The following CCDC25 variants were observed in gnomAD, a reference collection of about 807,000 sequenced individuals.
CCDC25 encodes coiled-coil domain-containing protein 25.
A neutral mutation model predicts 35.3 loss-of-function variants in CCDC25; 16 were observed. The ratio of observed to expected loss-of-function variants is 0.45; its 90% CI spans 0.31 to 0.69. CCDC25 has a LOEUF of 0.69. Ranked by LOEUF, CCDC25 falls within the 30% of genes least tolerant of loss-of-function variation. CCDC25 has a pLI of 0.06. For missense variants in CCDC25, 179 were observed against 250.7 expected, an observed-to-expected ratio of 0.71 and a Z score of 1.93; for synonymous variants, 79 against 80.3, an observed-to-expected ratio of 0.98 and a Z score of 0.09.
At chr8:27,757,851 A>G (rs924989960) in intron 3 of CCDC25, among the ~76,000 whole-genome samples, 9 of 152,170 alleles carry the variant, frequency 5.9e-5, no homozygotes, top group African/African-American at 1.9e-4. Flanking sequence ...TGGATTCTTC[A>G]TGAATGGGTT....
chr8:27,763,555 T>G (rs971121524), intron 2 of CCDC25, among the ~76,000 whole-genome samples: 4 of 152,162 alleles, frequency 2.6e-5, no homozygotes, highest in African/African-American at 9.6e-5. Context: ...CCATCTCCAC[T>G]AAAATTACAG....
intron 2 of CCDC25, 117 bp downstream of exon 2, chr8:27,765,084 TTTA>T (rs1217751458): frequency 8.1e-6 from 7 of 859,412 alleles, no homozygotes; most frequent in Non-Finnish European, 1.2e-5. Context: ...CAAAAGCTAG[TTTA>T]TCAAAGTAGG....
intron 5 of CCDC25, 149 bp from the exon 6 acceptor site, chr8:27,748,747 A>G: frequency 3.3e-6 from 2 of 607,090 alleles, no homozygotes; most frequent in Non-Finnish European, 5.8e-6. Context: ...TACTTTTTCA[A>G]AAGCCACCCA....
At chr8:27,742,402 G>A (rs1420674109) in intron 7 of CCDC25, among the ~76,000 whole-genome samples, 1 of 152,222 alleles carries the variant, frequency 6.6e-6, no homozygotes, top group East Asian at 1.9e-4. Context: ...GGAGGAGAAA[G>A]ACATGTTGAT....
At chr8:27,739,168 A>C (rs1243420646) in intron 8 of CCDC25, among the ~76,000 whole-genome samples, 1 of 152,178 alleles carries the variant, frequency 6.6e-6, no homozygotes, top group Non-Finnish European at 1.5e-5. Flanking sequence ...CATGACAGTT[A>C]AGTCTCTAAA....
chr8:27,764,851 CT>C (rs1224204362), intron 2 of CCDC25, among the ~76,000 whole-genome samples: 13 of 152,116 alleles, frequency 8.5e-5, no homozygotes, highest in African/African-American at 3.1e-4. Context: ...TTTGTCTATA[CT>C]TTTTAAAAAA....
At position 27,772,635 on chromosome 8, in the gene CCDC25, G is replaced by A. The variant is rs7842666; in HGVS notation, c.-95C>T. On this transcript the variant is annotated 5_prime_UTR_variant, in exon 1 of 9. Transcript: ENST00000356537. Reference sequence around the variant, plus strand: ...GACTCGCGGCGGCCGCCTGGCCCCCGGAACTCCTCCGTGCACTTCCGGCGG... The same window carrying A: ...GACTCGCGGCGGCCGCCTGGCCCCCAGAACTCCTCCGTGCACTTCCGGCGG... 701,054 of 1,294,464 alleles carry A rather than the reference G, an allele frequency of 0.54. 192,146 individuals are homozygous for A. The highest frequency in any genetic ancestry group is 0.82 in the East Asian group (31,845 of 38,722). 80.2% of individuals were successfully genotyped at this position (1,294,464 alleles called of 1,614,324 possible). A position where few individuals can be genotyped will look rare whatever the true frequency, so the allele number is the denominator to read the frequency against.
chr8:27,759,608 CA>C (rs146836795), intron 3 of CCDC25, among the ~76,000 whole-genome samples: 1,493 of 88,300 alleles, frequency 0.017, 30 homozygotes, highest in African/African-American at 0.06. Context: ...GACTCTGTCT[CA>C]AAAAAAAAAA....
intron 1 of CCDC25, among the ~76,000 whole-genome samples, chr8:27,769,568 C>T (rs891185331): frequency 1.3e-5 from 2 of 152,094 alleles, no homozygotes; most frequent in African/African-American, 4.8e-5. Context: ...GCTTAGAGGC[C>T]TATAAGGGTA....
chr8:27,734,394 C>T lies in CCDC25; in HGVS notation c.*1822G>A, dbSNP rs1415677807. 1.3e-5 allele frequency: 2 copies of T among 152,126 alleles called. No individual in the cohort carries two copies. Among genetic ancestry groups the T allele is most frequent in the Non-Finnish European group, 2.9e-5 (2 of 68,030 alleles). The allele number at this position is 152,126 out of a possible 1,614,324, so 9.4% of individuals were successfully genotyped here. On this transcript the variant is annotated 3_prime_UTR_variant, in exon 9 of 9. Coordinates refer to ENST00000356537, the MANE Select transcript of CCDC25 (RefSeq NM_018246.3). ...CAGCTCATAAAAATAGCAACAATTTCGAATTCTCCTATCCAACGTTTAGGA... is the reference window on the plus strand; with the variant it reads ...CAGCTCATAAAAATAGCAACAATTTTGAATTCTCCTATCCAACGTTTAGGA...
intron 1 of CCDC25, 98 bp downstream of exon 1, chr8:27,772,415 G>A: frequency 1.6e-6 from 2 of 1,222,762 alleles, no homozygotes; most frequent in Non-Finnish European, 2.3e-6. Context: ...CATCCAGAAG[G>A]CATTTTAGAG....
chr8:27,766,405 T>C (rs901796837), intron 1 of CCDC25, among the ~76,000 whole-genome samples: 5 of 152,194 alleles, frequency 3.3e-5, no homozygotes, highest in Non-Finnish European at 7.4e-5. Context: ...TCAATCCTAG[T>C]TGCCTTTCTC....
chr8:27,736,394 C>T (rs1803225863), intron 8 of CCDC25, 149 bp from the exon 9 acceptor site: 1 of 649,384 alleles, frequency 1.5e-6, no homozygotes, highest in Non-Finnish European at 2.7e-6. Flanking sequence ...CACTTCTCCG[C>T]CTTAAGTTGT....
chr8:27,758,882 C>A (rs1804112239), intron 3 of CCDC25, among the ~76,000 whole-genome samples: 1 of 152,000 alleles, frequency 6.6e-6, no homozygotes, highest in Admixed American at 6.6e-5. Flanking sequence ...AATATCACTG[C>A]CAAAATACAG....
At chr8:27,770,693 C>T (rs1175185673) in intron 1 of CCDC25, among the ~76,000 whole-genome samples, 6 of 150,194 alleles carry the variant, frequency 4.0e-5, no homozygotes, top group African/African-American at 1.5e-4. Flanking sequence ...GAGCCGAGAT[C>T]GTGCCATTGC....
rs755652731 is a variant in CCDC25, at chr8:27,737,082, G to A, written c.598-837C>T. ...CTTATTAAAGATGGTAGAGAAATACGATATGGGTAGAAAACATTGGTTCCT... is the reference window on the plus strand; with the variant it reads ...CTTATTAAAGATGGTAGAGAAATACAATATGGGTAGAAAACATTGGTTCCT... On this transcript the variant is annotated intron_variant, in intron 8 of 8. Transcript: ENST00000356537. This position sits in a 1 kb window ranked among gnomAD's most constrained non-coding sequence, Gnocchi z 4.6. Among the ~76,000 whole-genome samples, 2 of 152,144 alleles carry A rather than the reference G, an allele frequency of 1.3e-5. No individual in the cohort carries two copies. The highest frequency in any genetic ancestry group is 2.9e-5 in the Non-Finnish European group (2 of 68,020).
At chr8:27,765,746 T>A (rs113964530) in intron 1 of CCDC25, among the ~76,000 whole-genome samples, 1 of 152,242 alleles carries the variant, frequency 6.6e-6, no homozygotes. Flanking sequence ...GTGTGCTGCA[T>A]ATTCTAACAG....
intron 3 of CCDC25, among the ~76,000 whole-genome samples, chr8:27,759,173 A>G (rs1804123950): frequency 6.6e-6 from 1 of 152,212 alleles, no homozygotes; most frequent in African/African-American, 2.4e-5. Flanking sequence ...TCACTAAATA[A>G]GCATCAACTG....
At chr8:27,760,695 C>A (rs1161361369) in intron 3 of CCDC25, among the ~76,000 whole-genome samples, 1 of 152,208 alleles carries the variant, frequency 6.6e-6, no homozygotes, top group Admixed American at 6.5e-5. Context: ...CAGCCCCAGT[C>A]TGGATGTTTT....
Sources: allele counts gnomAD v4.1 joint callset (sites outside exome capture counted in the v4.1 genomes callset), GRCh38; gene constraint gnomAD v4.1.1; non-coding constraint Gnocchi (gnomAD v3.1); transcripts MANE v1.5; gene names NCBI Gene and HGNC (gene_info 2026-07-23, HGNC 2026-07-21).